The following LYPLAL1 variants were observed in gnomAD, a reference collection of about 807,000 sequenced individuals.
The protein encoded by LYPLAL1 is lysophospholipase-like protein 1.
A neutral mutation model predicts 19.7 loss-of-function variants in LYPLAL1; 23 were observed. The ratio of observed to expected loss-of-function variants is 1.17; its 90% CI spans 0.84 to 1.65. The LOEUF (loss-of-function observed/expected upper bound fraction) is 1.65, where lower values mean the gene tolerates loss of function less well. Ranked by LOEUF, LYPLAL1 falls within the 40% of genes most tolerant of loss-of-function variation. LYPLAL1 has a pLI of 0.00. For missense variants in LYPLAL1, 355 were observed against 279.4 expected, an observed-to-expected ratio of 1.27 and a Z score of -1.93; for synonymous variants, 119 against 96.3, an observed-to-expected ratio of 1.24 and a Z score of -1.38.
chr1:219,260,449 C>T, the LYPLAL1 span, among the ~76,000 whole-genome samples: 1 of 151,608 alleles, frequency 6.6e-6, no homozygotes, highest in African/African-American at 2.4e-5. Context: ...GTCATAACTT[C>T]AACACATCAA....
chr1:219,443,232 A>G, the LYPLAL1 span, among the ~76,000 whole-genome samples: 2 of 152,180 alleles, frequency 1.3e-5, no homozygotes, highest in South Asian at 2.1e-4. Context: ...TTATTCAGCA[A>G]TGTATCAAAT....
the LYPLAL1 span, among the ~76,000 whole-genome samples, chr1:219,230,248 G>C: frequency 6.6e-6 from 1 of 152,146 alleles, no homozygotes; most frequent in Non-Finnish European, 1.5e-5. Flanking sequence ...GAGCAGCTGG[G>C]ACTACAGGCG....
intron 2 of LYPLAL1, 55 bp from the exon 3 acceptor site, chr1:219,193,027 T>G: frequency 2.0e-6 from 3 of 1,476,882 alleles, no homozygotes; most frequent in Non-Finnish European, 1.8e-6. Context: ...AAAGCATCCA[T>G]TTTCATATTC....
chr1:219,326,288 T>C, the LYPLAL1 span, among the ~76,000 whole-genome samples: 1 of 145,074 alleles, frequency 6.9e-6, no homozygotes, highest in Admixed American at 6.8e-5. Flanking sequence ...TGAGGGTTTT[T>C]TGTTTTTGGT....
chr1:219,216,984 C>T (rs1344918433), downstream of LYPLAL1, among the ~76,000 whole-genome samples: 3 of 152,074 alleles, frequency 2.0e-5, no homozygotes, highest in Non-Finnish European at 4.4e-5. Flanking sequence ...CCCATTATTC[C>T]ATCTTGATCA....
chr1:219,324,996 A>G, the LYPLAL1 span, among the ~76,000 whole-genome samples: 2 of 152,200 alleles, frequency 1.3e-5, no homozygotes, highest in African/African-American at 4.8e-5. Flanking sequence ...TCCCAAATAC[A>G]CCAACCTTCT....
chr1:219,414,192 A>G, the LYPLAL1 span, among the ~76,000 whole-genome samples: 1 of 152,110 alleles, frequency 6.6e-6, no homozygotes, highest in Admixed American at 6.5e-5. Context: ...TTTCGGTTTG[A>G]TTGTTGCTCC....
chr1:219,364,923 A>G, the LYPLAL1 span, among the ~76,000 whole-genome samples: 1 of 152,142 alleles, frequency 6.6e-6, no homozygotes, highest in Non-Finnish European at 1.5e-5. Context: ...GAAGATTAAA[A>G]ATTTAGTTAA....
chr1:219,418,191 A>G, the LYPLAL1 span, among the ~76,000 whole-genome samples: 1 of 152,170 alleles, frequency 6.6e-6, no homozygotes, highest in East Asian at 1.9e-4. Flanking sequence ...TTATCCTGCC[A>G]TTTTCTTTGC....
chr1:219,419,118 T>C, the LYPLAL1 span, among the ~76,000 whole-genome samples: 1 of 151,920 alleles, frequency 6.6e-6, no homozygotes, highest in East Asian at 1.9e-4. Flanking sequence ...TGAACATCCA[T>C]GGGCAGGTTT....
chr1:219,436,767 T>G, the LYPLAL1 span, among the ~76,000 whole-genome samples: 1 of 152,174 alleles, frequency 6.6e-6, no homozygotes, highest in Non-Finnish European at 1.5e-5. Context: ...GTTCTGCATT[T>G]GTATTAGTAA....
the LYPLAL1 span, among the ~76,000 whole-genome samples, chr1:219,291,552 C>G: frequency 6.6e-6 from 1 of 152,132 alleles, no homozygotes; most frequent in South Asian, 2.1e-4. Flanking sequence ...CACCTCTTCC[C>G]TAATATTCAG....
chr1:219,281,731 G>C, the LYPLAL1 span, among the ~76,000 whole-genome samples: 1 of 152,132 alleles, frequency 6.6e-6, no homozygotes, highest in African/African-American at 2.4e-5. Context: ...CTCCCAGGAT[G>C]CCAATTGTCA....
At chr1:219,400,450 C>T in the LYPLAL1 span, among the ~76,000 whole-genome samples, 67 of 152,064 alleles carry the variant, frequency 4.4e-4, no homozygotes, top group African/African-American at 1.5e-3. Flanking sequence ...AGGCAGTAAA[C>T]TCATGGCAAA....
chr1:219,260,739 A>C, the LYPLAL1 span, among the ~76,000 whole-genome samples: 16 of 151,182 alleles, frequency 1.1e-4, no homozygotes, highest in African/African-American at 3.6e-4. Flanking sequence ...TACATATATA[A>C]AAAAAGCCTT....
At position 219,211,511 on chromosome 1, in the gene LYPLAL1, G is replaced by T. The variant is rs1424860722; in HGVS notation, c.497G>T (p.Gly166Val). Residue 166 changes from glycine to valine, a missense_variant, in exon 5 of 5, where the codon GGT becomes GTT. Physicochemically the swap from Gly to Val is moderately radical, Grantham distance 109 (BLOSUM62 -3). Coordinates refer to ENST00000366928, the MANE Select transcript of LYPLAL1 (RefSeq NM_138794.5). The part of the protein sequence containing the change: ...AVYQALQKSN[G>V]VLPELFQCHG... ...CTCTAGGCTCTTCAGAAGAGTAATG[G>T]TGTACTTCCTGAATTATTTCAGTGT... 6.2e-7 allele frequency: 1 copy of T among 1,606,884 alleles called. No homozygotes were observed. Among genetic ancestry groups the T allele is most frequent in the Non-Finnish European group, 8.5e-7 (1 of 1,174,378 alleles).
chr1:219,419,606 G>GAGAGAC, the LYPLAL1 span, among the ~76,000 whole-genome samples: 1 of 143,322 alleles, frequency 7.0e-6, no homozygotes. Flanking sequence ...GAGAGAGAGA[G>GAGAGAC]AGAGAGACAA....
the LYPLAL1 span, among the ~76,000 whole-genome samples, chr1:219,395,599 T>C: frequency 0.23 from 34,653 of 152,148 alleles, 4,123 homozygotes; most frequent in African/African-American, 0.29. Flanking sequence ...TTTCTTTTAC[T>C]GTGTAGAAGC....
rs1364534667 is a variant in LYPLAL1, at chr1:219,179,183, A to G, written c.128A>G (p.Gln43Arg). 1 of 1,612,784 alleles carries G rather than the reference A, an allele frequency of 6.2e-7. No homozygotes were observed. Among genetic ancestry groups the G allele is most frequent in the Non-Finnish European group, 8.5e-7 (1 of 1,179,470 alleles). The change falls in exon 2 of 5, where the codon CAG becomes CGG. Residue 43 changes from glutamine to arginine, a missense_variant. Gln to Arg is a conservative substitution (Grantham distance 43). Coordinates refer to ENST00000366928, the MANE Select transcript of LYPLAL1 (RefSeq NM_138794.5). Reference sequence around the variant, plus strand: ...CAAGGATTAAGAATGTGGATCAAGCAGGTTTTAAATCAAGATTTAACATTC... The same window carrying G: ...CAAGGATTAAGAATGTGGATCAAGCGGGTTTTAAATCAAGATTTAACATTC... Reference protein sequence around the residue: ...SGQGLRMWIKQVLNQDLTFQH... With the variant: ...SGQGLRMWIKRVLNQDLTFQH...
Sources: allele counts gnomAD v4.1 joint callset (sites outside exome capture counted in the v4.1 genomes callset), GRCh38; gene constraint gnomAD v4.1.1; transcripts MANE v1.5; gene names NCBI Gene and HGNC (gene_info 2026-07-23, HGNC 2026-07-21).